DLG2: variants seen among roughly 807,000 people sequenced by gnomAD.
The protein encoded by DLG2 is disks large homolog 2.
DLG2 carries 45 observed loss-of-function variants against 132.5 expected under a neutral mutation model. The ratio of observed to expected loss-of-function variants is 0.34; its 90% CI spans 0.27 to 0.44. DLG2 has a LOEUF of 0.44. Among genes scored for constraint, DLG2 ranks in the 20% least tolerant of loss-of-function variants. The pLI, the probability that DLG2 is intolerant of heterozygous loss-of-function variation, is 1.00. For synonymous variants in DLG2, 424 were observed against 419.6 expected, an observed-to-expected ratio of 1.01 and a Z score of -0.13; for missense variants, 1,045 against 1,196.9, an observed-to-expected ratio of 0.87 and a Z score of 1.87.
chr11:84,653,841 C>T (rs977335657), intron 6 of DLG2, among the ~76,000 whole-genome samples: 1 of 152,100 alleles, frequency 6.6e-6, no homozygotes, highest in African/African-American at 2.4e-5. Flanking sequence ...AGGAAGAGGA[C>T]AGAGGAATTA....
intron 18 of DLG2, chr11:83,682,063 C>A: frequency 1.1e-6 from 1 of 885,974 alleles, no homozygotes; most frequent in South Asian, 5.2e-5. Flanking sequence ...CAAACACTGA[C>A]ACACACTTCT....
At chr11:84,327,005 A>T (rs1049328880) in intron 7 of DLG2, among the ~76,000 whole-genome samples, 5 of 150,256 alleles carry the variant, frequency 3.3e-5, no homozygotes, top group African/African-American at 1.2e-4. Flanking sequence ...CCTATAGTTT[A>T]TTACCATTTT....
rs1323987209 is a variant in DLG2, at chr11:83,469,378, A to G, written c.2447-5T>C. 1.2e-6 allele frequency: 2 copies of G among 1,602,504 alleles called. No homozygotes were observed. The highest frequency in any genetic ancestry group is 1.1e-5 in the South Asian group (1 of 88,866). ...CTCGCTTTGGCCTCGTAGTATCTTT[A>G]TAAAACAAAAAATGATAAAATTAAG... On this transcript the variant is annotated splice_polypyrimidine_tract_variant and splice_region_variant and intron_variant, in intron 24 of 27. Transcript: ENST00000376104.
chr11:84,505,663 T>C (rs1345653163), intron 7 of DLG2, among the ~76,000 whole-genome samples: 1 of 152,152 alleles, frequency 6.6e-6, no homozygotes, highest in Non-Finnish European at 1.5e-5. Context: ...AGAATTAATA[T>C]GTTCAGCAAT....
At chr11:85,381,757 AT>A (rs200704015) in intron 3 of DLG2, among the ~76,000 whole-genome samples, 202 of 152,006 alleles carry the variant, frequency 1.3e-3, no homozygotes, top group South Asian at 8.9e-3. Context: ...CCATTTGTAA[AT>A]TTTTTTTTAA....
At chr11:84,502,326 CTTT>C (rs2099217774) in intron 7 of DLG2, among the ~76,000 whole-genome samples, 35 of 16,186 alleles carry the variant, frequency 2.2e-3, no homozygotes, top group South Asian at 0.011. Context: ...TTCTTTCTTT[CTTT>C]CTTTCTTTCT....
intron 11 of DLG2, among the ~76,000 whole-genome samples, chr11:84,024,284 G>T (rs539615939): frequency 6.6e-6 from 1 of 152,218 alleles, no homozygotes; most frequent in Non-Finnish European, 1.5e-5. Context: ...TCTAACTAAA[G>T]GTCCTTATCA....
intron 3 of DLG2, among the ~76,000 whole-genome samples, chr11:85,357,707 TATATATATATATATATA>T (rs1565373521): frequency 3.5e-4 from 1 of 2,868 alleles, no homozygotes; most frequent in Non-Finnish European, 8.9e-3. Flanking sequence ...TTCTGAATTA[TATATATATATATATATA>T]TATATATATA....
At chr11:84,683,954 A>G (rs2099735812) in intron 6 of DLG2, among the ~76,000 whole-genome samples, 1 of 152,234 alleles carries the variant, frequency 6.6e-6, no homozygotes, top group Non-Finnish European at 1.5e-5. Context: ...AATCAGGAAC[A>G]AAGCATCTTG....
intron 3 of DLG2, among the ~76,000 whole-genome samples, chr11:85,393,732 T>C (rs190194872): frequency 4.4e-4 from 67 of 152,090 alleles, no homozygotes; most frequent in African/African-American, 1.5e-3. Context: ...TATATGTATA[T>C]AATATGTATG....
chr11:84,729,814 G>A (rs1370765564), intron 6 of DLG2, among the ~76,000 whole-genome samples: 1 of 151,976 alleles, frequency 6.6e-6, no homozygotes, highest in African/African-American at 2.4e-5. Context: ...CTAGGCCCTA[G>A]GTGAAATATT....
At chr11:85,504,309 T>C (rs1404184458) in intron 3 of DLG2, among the ~76,000 whole-genome samples, 2 of 152,082 alleles carry the variant, frequency 1.3e-5, no homozygotes, top group Admixed American at 6.6e-5. Context: ...CTGAATGGTA[T>C]TGCCTAGGTT....
rs143760907 is a variant in DLG2, at chr11:83,501,932, G to A, written c.2194-17704C>T. ...ATTGCTCTATTGATGCTAGTTTTTCGTTTCATCTTCAGCTTAACCCTGTAA... is the reference window on the plus strand; with the variant it reads ...ATTGCTCTATTGATGCTAGTTTTTCATTTCATCTTCAGCTTAACCCTGTAA... On this transcript the variant is annotated intron_variant, in intron 21 of 27. Transcript: ENST00000376104. Among the ~76,000 whole-genome samples the A allele has an allele frequency of 8.1e-3, 1,239 of 152,062 alleles. 23 individuals are homozygous for A. The highest frequency in any genetic ancestry group is 0.029 in the African/African-American group (1,201 of 41,462).
chr11:84,543,633 G>T (rs2099383750), intron 6 of DLG2, among the ~76,000 whole-genome samples: 1 of 152,072 alleles, frequency 6.6e-6, no homozygotes, highest in Non-Finnish European at 1.5e-5. Flanking sequence ...GAATAAGTAA[G>T]TACTTTGCAG....
In DLG2 at chr11:83,600,236, GGTGT is replaced by G. The variant is rs57674131; in HGVS notation, c.1940+32971_1940+32974del. 6.6e-3 allele frequency among the ~76,000 whole-genome samples: 956 copies of G among 145,616 alleles called. 8 individuals are homozygous for G. Among genetic ancestry groups the G allele is most frequent in the African/African-American group, 0.022 (868 of 39,174 alleles). On this transcript the variant is annotated intron_variant, in intron 19 of 27. Coordinates refer to ENST00000376104, the MANE Select transcript of DLG2 (RefSeq NM_001142699.3). ...GATGAGTTCACACAGCTAGCTATAG[GGTGT>G]GTGTGTGTGTGTGTGTGTGTGTGTG...
intron 6 of DLG2, among the ~76,000 whole-genome samples, chr11:84,794,571 A>G (rs569492347): frequency 1.3e-5 from 2 of 152,312 alleles, no homozygotes; most frequent in South Asian, 4.1e-4. Flanking sequence ...CCCAGGATGC[A>G]GCTGCAGCCA....
chr11:85,441,433 C>G (rs949957860), intron 3 of DLG2, among the ~76,000 whole-genome samples: 2 of 152,128 alleles, frequency 1.3e-5, no homozygotes, highest in African/African-American at 4.8e-5. Context: ...CTCTCATTTC[C>G]TTTTCCTCCC....
intron 4 of DLG2, among the ~76,000 whole-genome samples, chr11:85,253,344 A>G (rs1299670040): frequency 6.6e-6 from 1 of 152,226 alleles, no homozygotes; most frequent in African/African-American, 2.4e-5. Context: ...GAAATACTGA[A>G]GCAGGATATT....
intron 7 of DLG2, among the ~76,000 whole-genome samples, chr11:84,305,631 A>T (rs1389822852): frequency 1.3e-5 from 2 of 152,010 alleles, no homozygotes; most frequent in African/African-American, 2.4e-5. Flanking sequence ...CTACCTACCT[A>T]CCTACCTATT....
Sources: gnomAD v4.1 joint callset for allele counts (sites outside exome capture counted in the v4.1 genomes callset) on GRCh38, gnomAD v4.1.1 for gene constraint, MANE v1.5 for transcripts, NCBI Gene and HGNC (gene_info 2026-07-23, HGNC 2026-07-21) for gene names.